Variants in TIMM23B observed in about 807,000 individuals in gnomAD.
TIMM23B encodes the protein translocase of inner mitochondrial membrane 23 homolog B, also known as mitochondrial import inner membrane translocase subunit Tim23B.
Under a neutral mutation model 27.3 loss-of-function variants are expected in TIMM23B, and 27 were observed. The ratio of observed to expected loss-of-function variants is 0.99; its 90% confidence interval spans 0.73 to 1.36. The LOEUF (loss-of-function observed/expected upper bound fraction) is 1.36. TIMM23B is among the 40% of genes most tolerant of loss of function. The probability of loss-of-function intolerance (pLI) is 0.00; values close to 1 mark genes in which losing one functional copy is unlikely to be tolerated. For missense variants in TIMM23B, 205 were observed against 244.2 expected, an observed-to-expected ratio of 0.84 and a Z score of 1.07; for synonymous variants, 73 against 92.4, an observed-to-expected ratio of 0.79 and a Z score of 1.21.
At chr10:49,952,606 A>G in intron 4 of TIMM23B, 73 bp downstream of exon 4, 1 of 1,536,436 alleles carries the variant, frequency 6.5e-7, no homozygotes, top group Non-Finnish European at 8.9e-7. Context: ...TGATGAGTAC[A>G]ACCTTGAGAT....
In TIMM23B at chr10:49,959,564, C is replaced by A. The variant is rs1262902889; in HGVS notation, c.514+1084C>A. ...TATTTTTATCAAAATAATCCACATA[C>A]GTGATTTTTTAAGTCAAGGTTTTTA... On this transcript the variant is annotated intron_variant, in intron 6 of 6. Transcript: ENST00000651259. Among the ~76,000 whole-genome samples, 4 of 152,132 alleles carry A rather than the reference C, an allele frequency of 2.6e-5. No homozygotes were observed. The East Asian group carries it at 5.8e-4, about 22-fold the overall frequency.
intron 2 of TIMM23B, among the ~76,000 whole-genome samples, chr10:49,951,119 G>A (rs1282487497): frequency 1.7e-4 from 26 of 152,124 alleles, no homozygotes; most frequent in African/African-American, 6.3e-4. Flanking sequence ...GATGAGAGTG[G>A]ATGTGTTTGT....
intron 6 of TIMM23B, among the ~76,000 whole-genome samples, chr10:49,970,679 G>A (rs1840398343): frequency 6.8e-6 from 1 of 147,766 alleles, no homozygotes; most frequent in African/African-American, 2.5e-5. Context: ...GGCAGCCCCT[G>A]CCCCGCCAGC....
intron 4 of TIMM23B, among the ~76,000 whole-genome samples, chr10:49,953,414 C>T (rs1298397973): frequency 6.6e-5 from 10 of 152,222 alleles, no homozygotes; most frequent in Admixed American, 5.9e-4. Context: ...GGTGCCATCA[C>T]AGCTCACTGT....
Position 49,942,446 on chromosome 10 carries a change from G to T in TIMM23B, c.106+146G>T, listed in dbSNP as rs2133036015. On this transcript the variant is annotated intron_variant, in intron 1 of 6. Transcript: ENST00000651259. ...TACCAGTGGTGGGGTTAGTGTATCT[G>T]CATGGCTGCTCTTTCAAGATAGAAA... 4.2e-6 allele frequency: 6 copies of T among 1,414,174 alleles called. No homozygotes were observed. The East Asian group carries it at 1.3e-4, about 30-fold the overall frequency. 87.6% of individuals were successfully genotyped at this position (1,414,174 alleles called of 1,614,324 possible).
intron 6 of TIMM23B, among the ~76,000 whole-genome samples, chr10:49,959,384 A>G (rs1178078097): frequency 2.1e-4 from 32 of 152,204 alleles, no homozygotes; most frequent in African/African-American, 7.5e-4. Flanking sequence ...TCTTATTCCT[A>G]TGATCATCTT....
At chr10:49,951,512 A>G (rs1161079674) in intron 2 of TIMM23B, among the ~76,000 whole-genome samples, 4 of 151,984 alleles carry the variant, frequency 2.6e-5, no homozygotes, top group African/African-American at 9.7e-5. Context: ...TAAGAGTGTC[A>G]TTTCTCAATC....
chr10:49,953,208 A>G (rs1239813409), intron 4 of TIMM23B, among the ~76,000 whole-genome samples: 3 of 151,890 alleles, frequency 2.0e-5, no homozygotes, highest in African/African-American at 7.3e-5. Flanking sequence ...TGTAAGTGGA[A>G]TCATGAGTAT....
chr10:49,968,599 C>T (rs1254238140), intron 6 of TIMM23B, among the ~76,000 whole-genome samples: 1 of 152,236 alleles, frequency 6.6e-6, no homozygotes, highest in Non-Finnish European at 1.5e-5. Flanking sequence ...CTTTGGGAGT[C>T]CAAGGCGGGA....
At chr10:49,968,585 A>G (rs1471494276) in intron 6 of TIMM23B, among the ~76,000 whole-genome samples, 14 of 152,396 alleles carry the variant, frequency 9.2e-5, no homozygotes, top group African/African-American at 3.1e-4. Context: ...CTGTAATCCC[A>G]GCACTTTGGG....
At chr10:49,971,463 G>A (rs1840446027) in intron 6 of TIMM23B, among the ~76,000 whole-genome samples, 1 of 151,892 alleles carries the variant, frequency 6.6e-6, no homozygotes, top group Admixed American at 6.6e-5. Flanking sequence ...AAAAGAGAAT[G>A]TAAGCAGTAT....
rs1839140807 is a variant in TIMM23B at position 49,942,307 on chromosome 10, A to C, written c.106+7A>C. The C allele has an allele frequency of 3.7e-6, 6 of 1,606,860 alleles. No individual in the cohort carries two copies. The highest frequency in any genetic ancestry group is 5.1e-6 in the Non-Finnish European group (6 of 1,176,234). On this transcript the variant is annotated splice_region_variant and intron_variant, in intron 1 of 6. Coordinates refer to ENST00000651259, the MANE Select transcript of TIMM23B (RefSeq NM_001290117.2). The stretch of plus-strand genomic sequence containing the variant: ...GATTTGGCTGGCGTCCCGCGTAAGT[A>C]TGGGGCCTAGCTTGCGATTATTTCT...
At chr10:49,952,576 T>A in intron 4 of TIMM23B, 43 bp downstream of exon 4, 1 of 1,608,804 alleles carries the variant, frequency 6.2e-7, no homozygotes. Context: ...ACTTGAATAT[T>A]AAGCTCTGTT....
intron 2 of TIMM23B, among the ~76,000 whole-genome samples, chr10:49,946,541 A>T (rs1839361618): frequency 6.6e-6 from 1 of 152,236 alleles, no homozygotes; most frequent in African/African-American, 2.4e-5. Context: ...ATATATTTCT[A>T]GACAGTTGCA....
chr10:49,942,372 G>A (rs1200837561), intron 1 of TIMM23B, 72 bp downstream of exon 1: 1 of 1,552,478 alleles, frequency 6.4e-7, no homozygotes, highest in Non-Finnish European at 8.7e-7. Flanking sequence ...CGCGTCCCAT[G>A]TTTTATGTTG....
At chr10:49,969,812 C>G (rs1283658809) in intron 6 of TIMM23B, among the ~76,000 whole-genome samples, 1 of 151,938 alleles carries the variant, frequency 6.6e-6, no homozygotes, top group Non-Finnish European at 1.5e-5. Flanking sequence ...CCCTCTCCCT[C>G]TCTTTCCATG....
rs1839552032 is a variant in TIMM23B at position 49,952,108 on chromosome 10, T to C, written c.166-18T>C. ...TCTTGAGGGACACTCAGCTTGGTTT[T>C]CATTATTATCCTTTTAGGATACAGA... On this transcript the variant is annotated intron_variant, in intron 2 of 6. Coordinates refer to ENST00000651259, the MANE Select transcript of TIMM23B (RefSeq NM_001290117.2). 3.2e-6 allele frequency: 5 copies of C among 1,573,228 alleles called. No homozygotes were observed. In the South Asian group the frequency reaches 5.6e-5, roughly 18 times the overall value.
At position 49,974,229 on chromosome 10, in the gene TIMM23B, G is replaced by GA. The variant is rs1564695367; in HGVS notation, c.*1167dup. 6.9e-6 allele frequency: 1 copy of GA among 145,686 alleles called. No individual in the cohort carries two copies. The highest frequency in any genetic ancestry group is 2.6e-5 in the African/African-American group (1 of 38,544). The allele number at this position is 145,686 out of a possible 1,614,324, so 9.0% of individuals were successfully genotyped here. A position where few individuals can be genotyped will look rare whatever the true frequency, so the allele number is the denominator to read the frequency against. ...CAATTTTCATAACTCCATAAAAGGAGAATTATGGCATCATCTATTTCTTTC... is the reference window on the plus strand; with the variant it reads ...CAATTTTCATAACTCCATAAAAGGAGAAATTATGGCATCATCTATTTCTTTC... On this transcript the variant is annotated 3_prime_UTR_variant, in exon 7 of 7. Coordinates refer to ENST00000651259, the MANE Select transcript of TIMM23B (RefSeq NM_001290117.2).
At chr10:49,952,030 T>C (rs1356447952) in intron 2 of TIMM23B, 96 bp from the exon 3 acceptor site, 1 of 921,524 alleles carries the variant, frequency 1.1e-6, no homozygotes, top group Non-Finnish European at 1.7e-6. Flanking sequence ...TAAGGTTTAT[T>C]TTCTGTGAAA....
Sources: gnomAD v4.1 joint callset for allele counts (sites outside exome capture counted in the v4.1 genomes callset) on GRCh38, gnomAD v4.1.1 for gene constraint, MANE v1.5 for transcripts, NCBI Gene and HGNC (gene_info 2026-07-23, HGNC 2026-07-21) for gene names.